SLC14A2: variants seen among roughly 807,000 people sequenced by gnomAD.
The protein encoded by SLC14A2 is urea transporter 2.
A neutral mutation model predicts 104.6 loss-of-function variants in SLC14A2; 91 were observed. The observed-to-expected ratio is 0.87, with a 90% CI of 0.73 to 1.04. The LOEUF (loss-of-function observed/expected upper bound fraction) is 1.04. SLC14A2 is among the 50% of genes least tolerant of loss of function. SLC14A2 has a pLI of 0.00. For missense variants in SLC14A2, 1,189 were observed against 1,156.0 expected (o/e 1.03, Z -0.41); for synonymous variants, 476 against 466.4 (o/e 1.02, Z -0.27).
chr18:45,429,220 A>G (rs1359036407), intron 1 of SLC14A2, among the ~76,000 whole-genome samples: 1 of 152,234 alleles, frequency 6.6e-6, no homozygotes, highest in Non-Finnish European at 1.5e-5. Flanking sequence ...AGTATATACT[A>G]TATGTTTTCA....
intron 1 of SLC14A2, among the ~76,000 whole-genome samples, chr18:45,453,845 CTGTTTTTTTT>C (rs1327641440): frequency 7.1e-4 from 70 of 98,068 alleles, no homozygotes; most frequent in Admixed American, 3.3e-3. Context: ...TTTTTCTTTT[CTGTTTTTTTT>C]TTTTTTTTTT....
At chr18:45,316,975 T>C (rs1454269822) in intron 1 of SLC14A2, among the ~76,000 whole-genome samples, 2 of 152,230 alleles carry the variant, frequency 1.3e-5, no homozygotes, top group African/African-American at 4.8e-5. Flanking sequence ...ACAGCAAACC[T>C]ATGAACTGGG....
At chr18:45,666,431 A>G (rs1399591503) in intron 12 of SLC14A2, among the ~76,000 whole-genome samples, 3 of 152,200 alleles carry the variant, frequency 2.0e-5, no homozygotes, top group Non-Finnish European at 4.4e-5. Context: ...AATTATTATC[A>G]GGCTTCCTTT....
intron 1 of SLC14A2, among the ~76,000 whole-genome samples, chr18:45,292,970 C>CT (rs1436842504): frequency 6.6e-6 from 1 of 151,964 alleles, no homozygotes; most frequent in Non-Finnish European, 1.5e-5. Flanking sequence ...AAATGATAAG[C>CT]TTTGTTGCTT....
At chr18:45,585,986 T>C (rs16978417) in intron 2 of SLC14A2, among the ~76,000 whole-genome samples, 2,785 of 152,310 alleles carry the variant, frequency 0.018, 90 homozygotes, top group African/African-American at 0.062. Context: ...CATGGATTAA[T>C]TGGGTGTGTT....
chr18:45,293,313 A>G (rs1433179565), intron 1 of SLC14A2, among the ~76,000 whole-genome samples: 3 of 152,182 alleles, frequency 2.0e-5, no homozygotes, highest in African/African-American at 7.2e-5. Flanking sequence ...CTTATTGAGT[A>G]TCCATAAAGC....
At chr18:45,181,828 T>TATTAAGTAG in the SLC14A2 span, among the ~76,000 whole-genome samples, 1 of 152,082 alleles carries the variant, frequency 6.6e-6, no homozygotes, top group Non-Finnish European at 1.5e-5. Flanking sequence ...TGCGACTCTT[T>TATTAAGTAG]ATTAAGTAGA....
intron 1 of SLC14A2, among the ~76,000 whole-genome samples, chr18:45,319,070 T>A (rs1409290802): frequency 6.6e-6 from 1 of 152,154 alleles, no homozygotes; most frequent in Non-Finnish European, 1.5e-5. Flanking sequence ...TCAGGCTGGC[T>A]TCCACGTGAA....
At chr18:45,533,201 A>C (rs1477025745) in intron 2 of SLC14A2, among the ~76,000 whole-genome samples, 1 of 151,344 alleles carries the variant, frequency 6.6e-6, no homozygotes, top group African/African-American at 2.4e-5. Flanking sequence ...ATCAGGATGA[A>C]GCTGGCCTCA....
intron 2 of SLC14A2, among the ~76,000 whole-genome samples, chr18:45,602,484 G>A (rs2044805107): frequency 6.6e-6 from 1 of 152,182 alleles, no homozygotes; most frequent in African/African-American, 2.4e-5. Context: ...GCTTTTCCAT[G>A]GATGAGCTCT....
At chr18:45,659,443 G>T (rs1216108154) in intron 10 of SLC14A2, among the ~76,000 whole-genome samples, 3 of 152,194 alleles carry the variant, frequency 2.0e-5, no homozygotes, top group Non-Finnish European at 4.4e-5. Context: ...ATGGACTTAT[G>T]TAATATCTTA....
chr18:45,223,843 G>A (rs1251209132), intron 1 of SLC14A2, among the ~76,000 whole-genome samples: 1 of 152,190 alleles, frequency 6.6e-6, no homozygotes, highest in Non-Finnish European at 1.5e-5. Flanking sequence ...CTGAAGTTGA[G>A]CTCTCTGGGG....
chr18:45,448,283 C>G (rs1462504652), intron 1 of SLC14A2, among the ~76,000 whole-genome samples: 1 of 152,192 alleles, frequency 6.6e-6, no homozygotes, highest in Non-Finnish European at 1.5e-5. Flanking sequence ...ACATTGTGAC[C>G]TTAGAATTTC....
At chr18:45,375,104 TC>T (rs2085760223) in intron 1 of SLC14A2, among the ~76,000 whole-genome samples, 1 of 152,210 alleles carries the variant, frequency 6.6e-6, no homozygotes, top group Non-Finnish European at 1.5e-5. Context: ...CCTTGTTGCT[TC>T]CTGGCTGTAG....
chr18:45,499,785 G>A (rs1414766772), intron 2 of SLC14A2, among the ~76,000 whole-genome samples: 1 of 152,152 alleles, frequency 6.6e-6, no homozygotes, highest in Non-Finnish European at 1.5e-5. Context: ...TTTGTAGACT[G>A]GAGATGATCA....
At chr18:45,223,341 A>G (rs1366120477) in intron 1 of SLC14A2, among the ~76,000 whole-genome samples, 1 of 152,166 alleles carries the variant, frequency 6.6e-6, no homozygotes, top group African/African-American at 2.4e-5. Flanking sequence ...CCATGGAGAA[A>G]AGCAGAGAGA....
chr18:45,278,657 C>T (rs2084729255), intron 1 of SLC14A2, among the ~76,000 whole-genome samples: 1 of 152,150 alleles, frequency 6.6e-6, no homozygotes, highest in African/African-American at 2.4e-5. Context: ...AAAATCCATG[C>T]ATACTGTAGT....
At chr18:45,603,004 A>T (rs566133989) in intron 2 of SLC14A2, among the ~76,000 whole-genome samples, 1 of 152,386 alleles carries the variant, frequency 6.6e-6, no homozygotes, top group African/African-American at 2.4e-5. Flanking sequence ...TGACTGATAG[A>T]TTCTATCAAA....
intron 1 of SLC14A2, among the ~76,000 whole-genome samples, chr18:45,462,682 A>G (rs981296166): frequency 1.3e-5 from 2 of 152,224 alleles, no homozygotes; most frequent in African/African-American, 4.8e-5. Context: ...CACGTGGTAG[A>G]TGGAGCAGCT....
Sources: allele counts gnomAD v4.1 joint callset (sites outside exome capture counted in the v4.1 genomes callset), GRCh38; gene constraint gnomAD v4.1.1; transcripts MANE v1.5; gene names NCBI Gene and HGNC (gene_info 2026-07-23, HGNC 2026-07-21).